The following ADGRB3 variants were observed in gnomAD, a reference collection of about 807,000 sequenced individuals.
ADGRB3 encodes the protein brain-specific angiogenesis inhibitor 3.
In ADGRB3, 37 loss-of-function variants were observed where a neutral mutation model predicts 193.4. That is an observed-to-expected ratio of 0.19 (90% CI 0.15 to 0.25). The LOEUF (loss-of-function observed/expected upper bound fraction) is 0.25. Ranked by LOEUF, ADGRB3 falls within the 10% of genes least tolerant of loss-of-function variation. The probability of loss-of-function intolerance (pLI) is 1.00; values close to 1 mark genes in which losing one functional copy is unlikely to be tolerated. For missense variants in ADGRB3, 1,637 were observed against 1,852.9 expected (o/e 0.88, Z 2.14); for synonymous variants, 690 against 644.2 (o/e 1.07, Z -1.08).
intron 17 of ADGRB3, 22 bp from the exon 18 acceptor site, chr6:69,233,268 C>A (rs749576303): frequency 3.7e-6 from 6 of 1,610,076 alleles, no homozygotes; most frequent in Non-Finnish European, 5.1e-6. Flanking sequence ...CCGATTTCCT[C>A]CCCCCTCACT....
chr6:69,115,374 T>C (rs2150327270), intron 17 of ADGRB3, among the ~76,000 whole-genome samples: 1 of 151,656 alleles, frequency 6.6e-6, no homozygotes, highest in South Asian at 2.1e-4. Context: ...ATGTTCTCAC[T>C]CATAAGTGGG....
intron 11 of ADGRB3, 30 bp downstream of exon 11, chr6:68,993,992 G>C (rs1769313916): frequency 6.2e-7 from 1 of 1,601,608 alleles, no homozygotes; most frequent in Admixed American, 1.7e-5. Context: ...GAAGGAAAGG[G>C]CTAGTGAAGA....
At chr6:69,032,504 A>G (rs1310234129) in intron 13 of ADGRB3, among the ~76,000 whole-genome samples, 4 of 152,234 alleles carry the variant, frequency 2.6e-5, no homozygotes, top group African/African-American at 7.2e-5. Context: ...GCTCATCTCT[A>G]TGGAAATAGT....
intron 3 of ADGRB3, among the ~76,000 whole-genome samples, chr6:68,901,209 A>G (rs1766384300): frequency 6.6e-6 from 1 of 151,608 alleles, no homozygotes; most frequent in South Asian, 2.1e-4. Flanking sequence ...TGGCCAGAAT[A>G]TGGTCTTATC....
chr6:69,190,032 A>G (rs1765155499), intron 17 of ADGRB3, among the ~76,000 whole-genome samples: 2 of 152,190 alleles, frequency 1.3e-5, no homozygotes, highest in Non-Finnish European at 2.9e-5. Context: ...CCTTTCATAT[A>G]AAGTAGAGCA....
At chr6:68,992,427 C>T (rs970883115) in intron 10 of ADGRB3, among the ~76,000 whole-genome samples, 4 of 152,054 alleles carry the variant, frequency 2.6e-5, no homozygotes, top group African/African-American at 9.7e-5. Flanking sequence ...TGGCCAGTGC[C>T]GTGTCTCTTT....
intron 20 of ADGRB3, among the ~76,000 whole-genome samples, chr6:69,304,090 G>T (rs1442139031): frequency 6.0e-5 from 9 of 150,798 alleles, no homozygotes; most frequent in South Asian, 2.1e-4. Context: ...AAATACAAGG[G>T]TTTTTTTTAA....
intron 3 of ADGRB3, among the ~76,000 whole-genome samples, chr6:68,739,572 T>A (rs1216888412): frequency 6.6e-6 from 1 of 152,126 alleles, no homozygotes; most frequent in African/African-American, 2.4e-5. Flanking sequence ...ATAGACATGA[T>A]GGTGAGAGCC....
chr6:69,334,055 A>G (rs986432170), intron 24 of ADGRB3, among the ~76,000 whole-genome samples: 13 of 151,734 alleles, frequency 8.6e-5, no homozygotes, highest in South Asian at 6.2e-4. Flanking sequence ...CGTCTCATAT[A>G]TAGATTGTTA....
chr6:68,722,330 C>T (rs907527782), intron 3 of ADGRB3, among the ~76,000 whole-genome samples: 6 of 151,236 alleles, frequency 4.0e-5, no homozygotes, highest in Non-Finnish European at 4.4e-5. Context: ...TGTTGCGGGG[C>T]GGGGGTTGTG....
intron 11 of ADGRB3, among the ~76,000 whole-genome samples, chr6:68,995,986 G>T (rs1018897297): frequency 7.2e-5 from 11 of 151,888 alleles, no homozygotes; most frequent in African/African-American, 2.2e-4. Context: ...ATAAACTCTG[G>T]TTTATAATCT....
chr6:68,903,377 G>T (rs539783218), intron 3 of ADGRB3, among the ~76,000 whole-genome samples: 25 of 152,038 alleles, frequency 1.6e-4, no homozygotes, highest in Non-Finnish European at 3.2e-4. Context: ...TTAATGAATA[G>T]AAAAAGATTA....
At chr6:68,969,424 C>T (rs1768490778) in intron 8 of ADGRB3, among the ~76,000 whole-genome samples, 1 of 152,148 alleles carries the variant, frequency 6.6e-6, no homozygotes, top group Admixed American at 6.5e-5. Context: ...TAAATATGAG[C>T]CGTGATGGGA....
chr6:69,139,148 G>A (rs937596001), intron 17 of ADGRB3, among the ~76,000 whole-genome samples: 1 of 152,146 alleles, frequency 6.6e-6, no homozygotes, highest in Admixed American at 6.5e-5. Flanking sequence ...TTGATAGTCC[G>A]GAGCTTTCCC....
intron 17 of ADGRB3, among the ~76,000 whole-genome samples, chr6:69,149,823 G>A (rs1241324883): frequency 6.6e-6 from 1 of 152,062 alleles, no homozygotes; most frequent in African/African-American, 2.4e-5. Flanking sequence ...GTGGTCTCGC[G>A]TAGCATCGGA....
chr6:68,906,624 G>A (rs1403097829), intron 3 of ADGRB3, among the ~76,000 whole-genome samples: 2 of 151,848 alleles, frequency 1.3e-5, no homozygotes, highest in African/African-American at 4.8e-5. Flanking sequence ...CTCATTTTAT[G>A]ACTCTCTTAA....
chr6:69,355,867 A>G lies in ADGRB3; in HGVS notation c.3595+7A>G. 1 of 1,599,002 alleles carries G rather than the reference A, an allele frequency of 6.3e-7. No homozygotes were observed. Among genetic ancestry groups the G allele is most frequent in the Non-Finnish European group, 8.6e-7 (1 of 1,167,676 alleles). On this transcript the variant is annotated splice_region_variant and intron_variant, in intron 28 of 31. Coordinates refer to ENST00000370598, the MANE Select transcript of ADGRB3 (RefSeq NM_001704.3). ...GACATTGCCTGTCGATCAGGTAAGA[A>G]TATTTAGATTTTGAAATCTAATCAG...
chr6:69,010,816 A>G (rs1208908296), intron 11 of ADGRB3, among the ~76,000 whole-genome samples: 4 of 152,034 alleles, frequency 2.6e-5, no homozygotes, highest in South Asian at 2.1e-4. Flanking sequence ...AAGCAAAAAA[A>G]TGAGACAAAA....
At chr6:69,180,289 G>A (rs1775544414) in intron 17 of ADGRB3, among the ~76,000 whole-genome samples, 1 of 152,208 alleles carries the variant, frequency 6.6e-6, no homozygotes, top group Non-Finnish European at 1.5e-5. Context: ...GCAAACAGGT[G>A]CTTTGAATGG....
Sources: allele counts gnomAD v4.1 joint callset (sites outside exome capture counted in the v4.1 genomes callset), GRCh38; gene constraint gnomAD v4.1.1; transcripts MANE v1.5; gene names NCBI Gene and HGNC (gene_info 2026-07-23, HGNC 2026-07-21).